Variants in EFEMP1 observed in about 807,000 individuals in gnomAD.
The protein encoded by EFEMP1 is EGF-like fibulin extracellular matrix protein 1, also known as EGF-containing fibulin-like extracellular matrix protein 1.
In EFEMP1, 18 loss-of-function variants were observed where a neutral mutation model predicts 65.7. The observed-to-expected ratio is 0.27, with a 90% CI of 0.19 to 0.41. EFEMP1 has a LOEUF of 0.41. EFEMP1 is among the 10% of genes least tolerant of loss of function. The pLI is 1.00. For synonymous variants in EFEMP1, 237 were observed against 219.7 expected (o/e 1.08, Z -0.70); for missense variants, 469 against 624.8 (o/e 0.75, Z 2.66).
Position 55,906,747 on chromosome 2 carries a change from T to A in EFEMP1, c.517+10918A>T, listed in dbSNP as rs116553945. Among the ~76,000 whole-genome samples the A allele has an allele frequency of 5.0e-3, 767 of 152,306 alleles. 9 individuals are homozygous for A. Among genetic ancestry groups the A allele is most frequent in the African/African-American group, 0.017 (714 of 41,560 alleles). On this transcript the variant is annotated intron_variant, in intron 5 of 11. Coordinates refer to ENST00000355426, the MANE Select transcript of EFEMP1 (RefSeq NM_001039348.3). Reference sequence around the variant, plus strand: ...TTCCTGACTATATAATTTACCAAAGTCTGAAGAATGAAAAAGCTTGGAGAT... The same window carrying A: ...TTCCTGACTATATAATTTACCAAAGACTGAAGAATGAAAAAGCTTGGAGAT...
Position 55,870,857 on chromosome 2 carries a change from A to G in EFEMP1, c.1183T>C (p.Tyr395His). The G allele has an allele frequency of 6.2e-7, 1 of 1,613,822 alleles. No individual in the cohort carries two copies. The highest frequency in any genetic ancestry group is 8.5e-7 in the Non-Finnish European group (1 of 1,179,848). ...TCAGATCGGATGCTCATGTATTTGT[A>G]GACTATTGACTGGGGCAGTTCTCGG... is the stretch of plus-strand genomic sequence containing the variant. ...MCRELPQSIVYKYMSIRSDRS... is the reference protein window; with the variant it reads ...MCRELPQSIVHKYMSIRSDRS... The change falls in exon 11 of 12, where the codon TAC (tyrosine) becomes CAC (histidine). Residue 395 changes from tyrosine to histidine, a missense_variant. Around this residue, in one of 3 missense-constraint regions of EFEMP1, gnomAD observed 399 missense variants for 528.2 expected, o/e 0.76. Transcript: ENST00000355426. This position sits in a 1 kb window ranked among gnomAD's most constrained non-coding sequence, Gnocchi z 5.8.
chr2:55,902,113 C>G (rs1208418823), intron 5 of EFEMP1, among the ~76,000 whole-genome samples: 1 of 152,106 alleles, frequency 6.6e-6, no homozygotes, highest in East Asian at 1.9e-4. Flanking sequence ...GATTCCTGAC[C>G]CAGAGAAAAG....
Position 55,883,624 on chromosome 2 carries a change from G to C in EFEMP1, c.518-1890C>G, listed in dbSNP as rs1669324798. Reference sequence around the variant, plus strand: ...GCTGCATTTTCTAAGGGAGGCCTCAGCAGTGACTGAGGCTTTTCTTTTTGA... The same window carrying C: ...GCTGCATTTTCTAAGGGAGGCCTCACCAGTGACTGAGGCTTTTCTTTTTGA... On this transcript the variant is annotated intron_variant, in intron 5 of 11. Transcript: ENST00000355426. The surrounding 1 kb of genome is among the most constrained non-coding windows in gnomAD (Gnocchi z 4.5). Among the ~76,000 whole-genome samples the C allele has an allele frequency of 1.3e-5, 2 of 152,280 alleles. No homozygotes were observed. Among genetic ancestry groups the C allele is most frequent in the South Asian group, 2.1e-4 (1 of 4,826 alleles).
At chr2:55,896,122 A>G (rs764420310) in intron 5 of EFEMP1, among the ~76,000 whole-genome samples, 1 of 152,350 alleles carries the variant, frequency 6.6e-6, no homozygotes, top group Middle Eastern at 3.4e-3. Context: ...TGAGATATCC[A>G]TTAGGCTGGA....
intron 5 of EFEMP1, among the ~76,000 whole-genome samples, chr2:55,896,991 T>A (rs192206860): frequency 9.2e-5 from 14 of 152,316 alleles, no homozygotes; most frequent in African/African-American, 3.4e-4. Context: ...CCTTAGCAAA[T>A]GCTGCTCCCT....
intron 6 of EFEMP1, among the ~76,000 whole-genome samples, chr2:55,880,677 G>T (rs1669205461): frequency 6.6e-6 from 1 of 152,170 alleles, no homozygotes; most frequent in Non-Finnish European, 1.5e-5. Context: ...AGGAAATAAG[G>T]CTTTTTCACT....
At chr2:55,894,481 T>C (rs985320012) in intron 5 of EFEMP1, among the ~76,000 whole-genome samples, 1 of 152,168 alleles carries the variant, frequency 6.6e-6, no homozygotes, top group Non-Finnish European at 1.5e-5. Context: ...GAAAATGTTG[T>C]ATGCCTGACT....
At chr2:55,903,366 A>T (rs189642752) in intron 5 of EFEMP1, among the ~76,000 whole-genome samples, 2 of 152,368 alleles carry the variant, frequency 1.3e-5, no homozygotes, top group Admixed American at 6.5e-5. Flanking sequence ...TATCCAGATT[A>T]TACCCCATTT....
At chr2:55,904,015 G>A (rs368966626) in intron 5 of EFEMP1, among the ~76,000 whole-genome samples, 25 of 152,184 alleles carry the variant, frequency 1.6e-4, no homozygotes, top group African/African-American at 4.6e-4. Flanking sequence ...AAGAAGCAGC[G>A]CCTGGAAGAT....
In EFEMP1 at chr2:55,870,599, TAA is replaced by T; in HGVS notation, c.1320+119_1320+120del. ...GAAGGCCTTACACAATGCCTACACA[TAA>T]GACACTTTAAATGTTTGCTTTCCTT... On this transcript the variant is annotated intron_variant, in intron 11 of 11. Coordinates refer to ENST00000355426, the MANE Select transcript of EFEMP1 (RefSeq NM_001039348.3). This position sits in a 1 kb window ranked among gnomAD's most constrained non-coding sequence, Gnocchi z 5.8. The T allele has an allele frequency of 8.1e-7, 1 of 1,232,402 alleles. No homozygotes were observed. The highest frequency in any genetic ancestry group is 1.2e-6 in the Non-Finnish European group (1 of 852,866). The allele number at this position is 1,232,402 out of a possible 1,614,324, so 76.3% of individuals were successfully genotyped here. A position where few individuals can be genotyped will look rare whatever the true frequency, so the allele number is the denominator to read the frequency against.
intron 5 of EFEMP1, among the ~76,000 whole-genome samples, chr2:55,888,563 G>A (rs918073107): frequency 1.1e-4 from 17 of 151,750 alleles, no homozygotes; most frequent in Admixed American, 2.6e-4. Flanking sequence ...GGTCTCAAAC[G>A]CCTGACCTTG....
rs1338660964 is a variant in EFEMP1 at position 55,877,392 on chromosome 2, GA to G, written c.760+353del. The stretch of plus-strand genomic sequence containing the variant: ...GGGGAGAAGAGGCATGTAAAAATCA[GA>G]TGCACTTTCAGTGGAAAGTTTATAT... On this transcript the variant is annotated intron_variant, in intron 7 of 11. Transcript: ENST00000355426. This position sits in a 1 kb window ranked among gnomAD's most constrained non-coding sequence, Gnocchi z 4.5. 6.6e-6 allele frequency among the ~76,000 whole-genome samples: 1 copy of G among 152,164 alleles called. No individual in the cohort carries two copies. Among genetic ancestry groups the G allele is most frequent in the Non-Finnish European group, 1.5e-5 (1 of 68,020 alleles).
In EFEMP1 at chr2:55,923,402, C is replaced by T. The variant is rs921120353; in HGVS notation, c.-49+309G>A. On this transcript the variant is annotated intron_variant, in intron 1 of 11. Transcript: ENST00000355426. This position sits in a 1 kb window ranked among gnomAD's most constrained non-coding sequence, Gnocchi z 5.3. ...AACCAGCTCCTATGGAATCCAGGTG[C>T]GGCTTAAATCTCGCACACTGGTCCC... is the stretch of plus-strand genomic sequence containing the variant. 6.6e-6 allele frequency among the ~76,000 whole-genome samples: 1 copy of T among 152,152 alleles called. No individual in the cohort carries two copies. Among genetic ancestry groups the T allele is most frequent in the Non-Finnish European group, 1.5e-5 (1 of 68,032 alleles).
intron 5 of EFEMP1, among the ~76,000 whole-genome samples, chr2:55,915,457 T>G (rs1339880532): frequency 1.3e-5 from 2 of 152,216 alleles, no homozygotes; most frequent in African/African-American, 4.8e-5. Context: ...AGGATTTTAT[T>G]TTCATTAATC....
chr2:55,916,952 T>C (rs1035495795), intron 5 of EFEMP1, among the ~76,000 whole-genome samples: 5 of 152,148 alleles, frequency 3.3e-5, no homozygotes, highest in African/African-American at 1.2e-4. Flanking sequence ...CAGAAAACCC[T>C]AGGCAGATGA....
At chr2:55,895,879 A>G (rs902858452) in intron 5 of EFEMP1, among the ~76,000 whole-genome samples, 1 of 151,984 alleles carries the variant, frequency 6.6e-6, no homozygotes, top group East Asian at 1.9e-4. Flanking sequence ...CAGCAAACTC[A>G]CTATCTCTGG....
intron 9 of EFEMP1, among the ~76,000 whole-genome samples, chr2:55,872,627 G>C (rs1289148745): frequency 1.3e-5 from 2 of 151,946 alleles, no homozygotes; most frequent in Non-Finnish European, 2.9e-5. Context: ...TTCATGCCTT[G>C]ACTTTGGAGG....
At chr2:55,903,719 G>A (rs2104429207) in intron 5 of EFEMP1, among the ~76,000 whole-genome samples, 1 of 152,138 alleles carries the variant, frequency 6.6e-6, no homozygotes, top group African/African-American at 2.4e-5. Flanking sequence ...TTTATTAGGT[G>A]TCACCTTTTC....
chr2:55,895,627 C>T (rs1366542898), intron 5 of EFEMP1, among the ~76,000 whole-genome samples: 1 of 151,734 alleles, frequency 6.6e-6, no homozygotes, highest in African/African-American at 2.4e-5. Flanking sequence ...CTGCAGGCTC[C>T]GCCCCCGGGG....
Sources: allele counts gnomAD v4.1 joint callset (sites outside exome capture counted in the v4.1 genomes callset), GRCh38; gene constraint gnomAD v4.1.1; regional missense constraint gnomAD v4.1.1; non-coding constraint Gnocchi (gnomAD v3.1); transcripts MANE v1.5; gene names NCBI Gene and HGNC (gene_info 2026-07-23, HGNC 2026-07-21).